MKRN2OS: variants seen among roughly 807,000 people sequenced by gnomAD.
MKRN2OS encodes MKRN2 opposite strand protein.
A neutral mutation model predicts 18.2 loss-of-function variants in MKRN2OS; 17 were observed. That is an observed-to-expected ratio of 0.93 (90% CI 0.64 to 1.40). MKRN2OS has a LOEUF of 1.40. Among genes scored for constraint, MKRN2OS ranks in the 40% most tolerant of loss-of-function variants. The pLI is 0.00. For synonymous variants in MKRN2OS, 121 were observed against 108.5 expected, an observed-to-expected ratio of 1.12 and a Z score of -0.72; for missense variants, 337 against 283.0, an observed-to-expected ratio of 1.19 and a Z score of -1.37.
chr3:12,553,538 G>A (rs1382887194), downstream of MKRN2OS, among the ~76,000 whole-genome samples: 1 of 151,390 alleles, frequency 6.6e-6, no homozygotes, highest in East Asian at 1.9e-4. Flanking sequence ...AAAAATCTAG[G>A]GCTAACATTT....
upstream of MKRN2OS, among the ~76,000 whole-genome samples, chr3:12,548,618 C>T (rs1049167185): frequency 6.6e-6 from 1 of 152,034 alleles, no homozygotes; most frequent in African/African-American, 2.4e-5. Flanking sequence ...GGCTCCAGAG[C>T]GAAACTCTGT....
At chr3:12,546,403 CTGT>C (rs1270866777), upstream of MKRN2OS, among the ~76,000 whole-genome samples, 14 of 151,784 alleles carry the variant, frequency 9.2e-5, no homozygotes, top group South Asian at 4.2e-4. Flanking sequence ...GGGTCCAGGG[CTGT>C]TGTGACTCAT....
chr3:12,552,085 C>T (rs2057933523), downstream of MKRN2OS, among the ~76,000 whole-genome samples: 1 of 151,360 alleles, frequency 6.6e-6, no homozygotes, highest in African/African-American at 2.4e-5. Context: ...TTTGGGAGGC[C>T]GAGGCAGGTG....
At chr3:12,544,696 T>C (rs1033043708) in intron 1 of MKRN2OS, among the ~76,000 whole-genome samples, 4 of 148,320 alleles carry the variant, frequency 2.7e-5, no homozygotes, top group African/African-American at 1.0e-4. Flanking sequence ...AAAAAAAAGG[T>C]ATAATCCTTT....
downstream of MKRN2OS, among the ~76,000 whole-genome samples, chr3:12,552,918 C>G (rs551646396): frequency 2.7e-5 from 4 of 150,780 alleles, no homozygotes; most frequent in Non-Finnish European, 5.9e-5. Flanking sequence ...CCTGTAGCCC[C>G]AGCTACTTGA....
At chr3:12,551,460 A>G (rs1041025099), downstream of MKRN2OS, among the ~76,000 whole-genome samples, 2 of 151,624 alleles carry the variant, frequency 1.3e-5, no homozygotes, top group Admixed American at 1.3e-4. Flanking sequence ...GTGCCTCTGC[A>G]CTCCAGCCTG....
chr3:12,557,005 C>T, intron 1 of MKRN2OS: 1 of 943,084 alleles, frequency 1.1e-6, no homozygotes, highest in Non-Finnish European at 1.4e-6. Flanking sequence ...GCCGGCGCTA[C>T]AAAGGTGCCA....
chr3:12,551,858 C>T (rs1205830320), downstream of MKRN2OS, among the ~76,000 whole-genome samples: 3 of 151,982 alleles, frequency 2.0e-5, no homozygotes, highest in African/African-American at 2.4e-5. Flanking sequence ...GCAGGAGATT[C>T]GCTTGAACCC....
chr3:12,556,023 G>A (rs1242386137), intron 1 of MKRN2OS, among the ~76,000 whole-genome samples: 1 of 152,086 alleles, frequency 6.6e-6, no homozygotes, highest in African/African-American at 2.4e-5. Flanking sequence ...GTGTATGCAT[G>A]TGCAAAAATT....
intron 1 of MKRN2OS, chr3:12,557,129 A>G (rs1228704740): frequency 4.0e-6 from 6 of 1,498,836 alleles, no homozygotes; most frequent in African/African-American, 1.5e-5. Context: ...CGGCACGACG[A>G]CGGTCCCTCA....
At chr3:12,548,471 A>AAAC (rs2057904140), upstream of MKRN2OS, among the ~76,000 whole-genome samples, 1 of 31,264 alleles carries the variant, frequency 3.2e-5, no homozygotes, top group East Asian at 2.7e-4. Context: ...AAAAAAAAAA[A>AAAC]AAAAAAAAAA....
rs143315457 is a variant in MKRN2OS at position 12,542,785 on chromosome 3, G to A, written c.268+395C>T. Among the ~76,000 whole-genome samples the A allele has an allele frequency of 3.1e-3, 476 of 151,918 alleles. 2 individuals are homozygous for A. Among genetic ancestry groups the A allele is most frequent in the African/African-American group, 0.011 (445 of 41,434 alleles). The stretch of plus-strand genomic sequence containing the variant: ...TTTACTCCTGACGTCCCTAGAATGT[G>A]GGGACCCAGTGGTAGTCGGCTGAGC... On this transcript the variant is annotated intron_variant, in intron 2 of 3. Transcript: ENST00000564146.
chr3:12,543,824 G>A (rs979885286), intron 1 of MKRN2OS, among the ~76,000 whole-genome samples: 9 of 151,684 alleles, frequency 5.9e-5, no homozygotes, highest in African/African-American at 9.7e-5. Context: ...CCTGGGAGGC[G>A]GAGGTGGCAG....
chr3:12,554,687 C>G (rs1235665405), intron 1 of MKRN2OS, among the ~76,000 whole-genome samples: 3 of 151,890 alleles, frequency 2.0e-5, no homozygotes, highest in Non-Finnish European at 4.4e-5. Flanking sequence ...GGAAGAGGCT[C>G]TATGTACTGA....
At chr3:12,548,820 G>A (rs1186681506), upstream of MKRN2OS, among the ~76,000 whole-genome samples, 1 of 151,702 alleles carries the variant, frequency 6.6e-6, no homozygotes, top group Non-Finnish European at 1.5e-5. Context: ...TTCAACACAA[G>A]CATCTTCAAT....
chr3:12,554,506 A>AT (rs1559384182), intron 1 of MKRN2OS, among the ~76,000 whole-genome samples: 29 of 150,146 alleles, frequency 1.9e-4, no homozygotes, highest in Admixed American at 2.7e-4. Flanking sequence ...TGAAATATAA[A>AT]AATATATATA....
rs532472249 is a variant in MKRN2OS at position 12,541,964 on chromosome 3, C to T, written c.327G>A (p.Glu109=). The change falls in exon 3 of 4, where the codon GAG becomes GAA. Residue 109 remains glutamate, a synonymous_variant. Coordinates refer to ENST00000564146, the MANE Select transcript of MKRN2OS (RefSeq NM_001195279.2). ...GCTGCAGTAATGGGATGCTTATGCT[C>T]TCTTCCCACCCTTCTCCGTCTCGCT... The part of the protein sequence containing the change: ...GVQRDGEGWE[E]SISIPLLQPN... 1.6e-4 allele frequency: 244 copies of T among 1,535,976 alleles called. No homozygotes were observed. Among genetic ancestry groups the T allele is most frequent in the Non-Finnish European group, 2.0e-4 (231 of 1,146,902 alleles).
chr3:12,540,686 C>G (rs994777077), intron 3 of MKRN2OS, among the ~76,000 whole-genome samples: 10 of 151,954 alleles, frequency 6.6e-5, no homozygotes, highest in Non-Finnish European at 1.5e-4. Context: ...CTGGCCTGGC[C>G]AACATGGTGA....
chr3:12,540,010 C>T lies in MKRN2OS; in HGVS notation c.*183G>A. ...ATGTTGGTCAGGCTGGTCTCAAACT[C>T]CCAACCTCAGGTGACCTACCTGTCT... On this transcript the variant is annotated 3_prime_UTR_variant, in exon 4 of 4. Transcript: ENST00000564146. 5.1e-6 allele frequency: 4 copies of T among 782,616 alleles called. No homozygotes were observed. The South Asian group carries it at 7.2e-5, about 14-fold the overall frequency. 48.5% of individuals were successfully genotyped at this position (782,616 alleles called of 1,614,324 possible).
Sources: allele counts gnomAD v4.1 joint callset (sites outside exome capture counted in the v4.1 genomes callset), GRCh38; gene constraint gnomAD v4.1.1; transcripts MANE v1.5; gene names NCBI Gene and HGNC (gene_info 2026-07-23, HGNC 2026-07-21).